Variants in UBE2R2 observed in about 807,000 individuals in gnomAD.
UBE2R2 encodes ubiquitin-conjugating enzyme E2 R2.
A neutral mutation model predicts 27.8 loss-of-function variants in UBE2R2; 1 was observed. The ratio of observed to expected loss-of-function variants is 0.04; its 90% CI spans 0.01 to 0.17. The LOEUF (loss-of-function observed/expected upper bound fraction) is 0.17, where lower values mean the gene tolerates loss of function less well. Ranked by LOEUF, UBE2R2 falls within the 10% of genes least tolerant of loss-of-function variation. The probability of loss-of-function intolerance (pLI) is 1.00; values close to 1 mark genes in which losing one functional copy is unlikely to be tolerated. For synonymous variants in UBE2R2, 106 were observed against 113.3 expected (o/e 0.94, Z 0.41); for missense variants, 100 against 291.0 (o/e 0.34, Z 4.78).
In UBE2R2 at chr9:33,918,137, A is replaced by T. The variant is rs1005876438; in HGVS notation, c.*900A>T. On this transcript the variant is annotated 3_prime_UTR_variant, in exon 5 of 5. Coordinates refer to ENST00000263228, the MANE Select transcript of UBE2R2 (RefSeq NM_017811.4). Reference sequence around the variant, plus strand: ...TTGGTTGATGCTACTGGGGGGAAAAAGTTGAAACTACTGGTGACCACTGTT... The same window carrying T: ...TTGGTTGATGCTACTGGGGGGAAAATGTTGAAACTACTGGTGACCACTGTT... 6.5e-6 allele frequency: 1 copy of T among 153,056 alleles called. No individual in the cohort carries two copies. 9.5% of individuals were successfully genotyped at this position (153,056 alleles called of 1,614,324 possible). A position where few individuals can be genotyped will look rare whatever the true frequency, so the allele number is the denominator to read the frequency against.
intron 1 of UBE2R2, among the ~76,000 whole-genome samples, chr9:33,837,420 C>CTTTTTT (rs374681097): frequency 1.6e-5 from 2 of 126,684 alleles, no homozygotes; most frequent in African/African-American, 3.0e-5. Context: ...GCTGCTGCTT[C>CTTTTTT]TTTTTTTTTT....
intron 1 of UBE2R2, among the ~76,000 whole-genome samples, chr9:33,861,019 C>T (rs1459543038): frequency 2.7e-5 from 4 of 150,222 alleles, no homozygotes; most frequent in East Asian, 2.0e-4. Context: ...AGTGCAGTGG[C>T]GCGATCTCGG....
intron 1 of UBE2R2, among the ~76,000 whole-genome samples, chr9:33,873,421 A>G (rs2130782361): frequency 6.6e-6 from 1 of 152,254 alleles, no homozygotes; most frequent in African/African-American, 2.4e-5. Context: ...AGATAGCATG[A>G]TTAAGCAAAA....
chr9:33,892,003 C>A (rs1821997385), intron 2 of UBE2R2, among the ~76,000 whole-genome samples: 1 of 151,926 alleles, frequency 6.6e-6, no homozygotes. Flanking sequence ...TGTGTGTGTG[C>A]ATATATATAT....
chr9:33,824,976 C>G (rs1820281257), intron 1 of UBE2R2, among the ~76,000 whole-genome samples: 1 of 151,796 alleles, frequency 6.6e-6, no homozygotes, highest in Admixed American at 6.6e-5. Flanking sequence ...TTATTTCTTC[C>G]TGGATTGAAG....
chr9:33,869,423 TTTTA>T (rs78245446), intron 1 of UBE2R2, among the ~76,000 whole-genome samples: 38,771 of 146,436 alleles, frequency 0.26, 5,238 homozygotes, highest in South Asian at 0.38. Context: ...ATATACAATG[TTTTA>T]TTTATTTATT....
chr9:33,838,646 T>C (rs1281233154), intron 1 of UBE2R2, among the ~76,000 whole-genome samples: 3 of 152,156 alleles, frequency 2.0e-5, no homozygotes, highest in Non-Finnish European at 2.9e-5. Context: ...TACTACAGTT[T>C]AGTTTATGTT....
intron 1 of UBE2R2, among the ~76,000 whole-genome samples, chr9:33,861,677 T>G (rs1296840608): frequency 6.6e-6 from 1 of 152,134 alleles, no homozygotes; most frequent in East Asian, 1.9e-4. Flanking sequence ...ATTTTAATTT[T>G]AAAGGGTTTA....
chr9:33,818,208 G>A (rs549482588), intron 1 of UBE2R2, among the ~76,000 whole-genome samples: 1 of 152,164 alleles, frequency 6.6e-6, no homozygotes, highest in East Asian at 1.9e-4. Context: ...TCTACGGGCG[G>A]AGGAGGCCGC....
chr9:33,895,866 G>A (rs1253540498), intron 2 of UBE2R2, among the ~76,000 whole-genome samples: 6 of 141,080 alleles, frequency 4.3e-5, no homozygotes, highest in Non-Finnish European at 7.5e-5. Context: ...TCTGCCTCCC[G>A]GGTTCAAGCG....
intron 1 of UBE2R2, among the ~76,000 whole-genome samples, chr9:33,877,823 G>GTCTGTCTCTCTC: frequency 2.7e-4 from 35 of 131,112 alleles, no homozygotes; most frequent in South Asian, 2.1e-3. Context: ...CTGTCTGTCT[G>GTCTGTCTCTCTC]TCTCTCTCTC....
rs769898419 is a variant in UBE2R2, at chr9:33,917,008, C to T, written c.498-10C>T. 3.6e-5 allele frequency: 58 copies of T among 1,614,002 alleles called. 1 individual carries two copies. In the East Asian group the frequency reaches 9.4e-4, roughly 26 times the overall value. On this transcript the variant is annotated splice_polypyrimidine_tract_variant and intron_variant, in intron 4 of 4. Transcript: ENST00000263228. Reference sequence around the variant, plus strand: ...TACCGTAAACCATTTCTGTGTCAACCTCCCTTCAGGAAACAAGTTTCAGCC... The same window carrying T: ...TACCGTAAACCATTTCTGTGTCAACTTCCCTTCAGGAAACAAGTTTCAGCC...
chr9:33,828,591 T>G (rs1489597502), intron 1 of UBE2R2, among the ~76,000 whole-genome samples: 2 of 151,908 alleles, frequency 1.3e-5, no homozygotes, highest in Non-Finnish European at 2.9e-5. Flanking sequence ...AGATCAAGTC[T>G]CGCTCTGTTC....
intron 3 of UBE2R2, among the ~76,000 whole-genome samples, chr9:33,907,826 T>C (rs150517645): frequency 4.8e-4 from 69 of 143,366 alleles, no homozygotes; most frequent in African/African-American, 1.1e-3. Flanking sequence ...TTTTGTTTTG[T>C]TTTGTTGTTG....
At chr9:33,869,938 CT>C in intron 1 of UBE2R2, among the ~76,000 whole-genome samples, 1 of 152,096 alleles carries the variant, frequency 6.6e-6, no homozygotes, top group Non-Finnish European at 1.5e-5. Context: ...CATCCGCCTC[CT>C]GGGTTCAAGC....
intron 3 of UBE2R2, among the ~76,000 whole-genome samples, chr9:33,907,525 A>G (rs1474196085): frequency 6.6e-6 from 1 of 152,046 alleles, no homozygotes; most frequent in Admixed American, 6.6e-5. Context: ...CTTTGTTGTA[A>G]TAAATGTTAA....
At chr9:33,842,975 G>A (rs527861848) in intron 1 of UBE2R2, among the ~76,000 whole-genome samples, 118 of 145,256 alleles carry the variant, frequency 8.1e-4, no homozygotes, top group Admixed American at 3.2e-3. Flanking sequence ...GGCTGTGATC[G>A]TGCTACTGCA....
At position 33,919,725 on chromosome 9, in the gene UBE2R2, A is replaced by AT. The variant is rs34821216; in HGVS notation, c.*2496dup. 0.17 allele frequency: 26,210 copies of AT among 151,760 alleles called. 2,400 individuals are homozygous for AT. The highest frequency in any genetic ancestry group is 0.33 in the South Asian group (1,590 of 4,798). The allele number at this position is 151,760 out of a possible 1,614,324, so 9.4% of individuals were successfully genotyped here. ...CCTGTGGAAAATACTTGAGTTTGTA[A>AT]TTTTTTTTCCCCCTTCTGGGAGTGG... is the stretch of plus-strand genomic sequence containing the variant. On this transcript the variant is annotated 3_prime_UTR_variant, in exon 5 of 5. Transcript: ENST00000263228.
chr9:33,843,571 T>G (rs1820777100), intron 1 of UBE2R2, among the ~76,000 whole-genome samples: 1 of 151,666 alleles, frequency 6.6e-6, no homozygotes, highest in Non-Finnish European at 1.5e-5. Flanking sequence ...CTCTGCCTCC[T>G]GGGTTTGAGC....
Sources: gnomAD v4.1 joint callset for allele counts (sites outside exome capture counted in the v4.1 genomes callset) on GRCh38, gnomAD v4.1.1 for gene constraint, MANE v1.5 for transcripts, NCBI Gene and HGNC (gene_info 2026-07-23, HGNC 2026-07-21) for gene names.